The following ABCC1 variants were observed in gnomAD, a reference collection of about 807,000 sequenced individuals.
ABCC1 encodes ATP binding cassette subfamily C member 1 (ABCC1 blood group).
ABCC1 carries 83 observed loss-of-function variants against 172.9 expected under a neutral mutation model. The observed-to-expected ratio is 0.48, with a 90% CI of 0.40 to 0.58. The LOEUF (loss-of-function observed/expected upper bound fraction) is 0.58, where lower values mean the gene tolerates loss of function less well. Ranked by LOEUF, ABCC1 falls within the 20% of genes least tolerant of loss-of-function variation. The probability of loss-of-function intolerance (pLI) is 0.00; values close to 1 mark genes in which losing one functional copy is unlikely to be tolerated. For missense variants in ABCC1, 1,817 were observed against 2,002.7 expected (o/e 0.91, Z 1.77); for synonymous variants, 937 against 825.2 (o/e 1.14, Z -2.32).
intron 7 of ABCC1, among the ~76,000 whole-genome samples, chr16:16,043,229 T>G (rs1377376448): frequency 1.8e-5 from 2 of 112,168 alleles, no homozygotes; most frequent in South Asian, 2.4e-4. Flanking sequence ...ACTGTTTTTT[T>G]TTTTTTTTTT....
intron 1 of ABCC1, among the ~76,000 whole-genome samples, chr16:15,975,269 T>C (rs1318863279): frequency 6.6e-6 from 1 of 152,248 alleles, no homozygotes; most frequent in East Asian, 1.9e-4. Context: ...CAGTTCGTTT[T>C]GTGACAGCAG....
chr16:16,093,979 C>CTTTTT (rs578261751), intron 19 of ABCC1, among the ~76,000 whole-genome samples: 3 of 106,614 alleles, frequency 2.8e-5, no homozygotes, highest in African/African-American at 4.0e-5. Context: ...TCCCTCTCTC[C>CTTTTT]TTTTTTTTTT....
chr16:16,137,345 C>A (rs2045953522), intron 29 of ABCC1, among the ~76,000 whole-genome samples: 1 of 152,064 alleles, frequency 6.6e-6, no homozygotes, highest in African/African-American at 2.4e-5. Context: ...ATCCCTCATT[C>A]TCCAGCAGAC....
chr16:16,029,881 T>C (rs1030139328), intron 5 of ABCC1, among the ~76,000 whole-genome samples: 2 of 152,196 alleles, frequency 1.3e-5, no homozygotes, highest in Admixed American at 1.3e-4. Flanking sequence ...ACTGTAATAC[T>C]AACTTTAATA....
Position 16,063,872 on chromosome 16 carries a change from G to A in ABCC1, c.1678-4284G>A, listed in dbSNP as rs544014304. Among the ~76,000 whole-genome samples the A allele has an allele frequency of 1.6e-4, 24 of 152,192 alleles. No homozygotes were observed. In the South Asian group the frequency reaches 4.6e-3, roughly 29 times the overall value. On this transcript the variant is annotated intron_variant, in intron 12 of 30. Coordinates refer to ENST00000399410, the MANE Select transcript of ABCC1 (RefSeq NM_004996.4). ...GGATTGAGTCTCATTGGTTGTGGTC[G>A]ATCACATGCTTCTTCCTGAGCCAGT...
Position 16,090,527 on chromosome 16 carries a change from C to T in ABCC1, c.2583C>T (p.Ala861=), listed in dbSNP as rs201516415. Residue 861 remains alanine, a synonymous_variant, in exon 19 of 31, where the codon GCC becomes GCT. Transcript: ENST00000399410. ...SYQELLARDG[A]FAEFLRTYAS... ...AGGAGCTGCTGGCTCGAGACGGCGC[C>T]TTCGCTGAGTTCCTGCGTACCTATG... 174 of 1,613,794 alleles carry T rather than the reference C, an allele frequency of 1.1e-4. No homozygotes were observed. In the East Asian group the frequency reaches 3.3e-3, roughly 30 times the overall value.
intron 12 of ABCC1, among the ~76,000 whole-genome samples, chr16:16,060,347 G>A (rs2049859161): frequency 6.6e-6 from 1 of 152,174 alleles, no homozygotes; most frequent in Non-Finnish European, 1.5e-5. Flanking sequence ...CAGCCCTCCA[G>A]GTGACTGGTG....
rs768837093 is a variant in ABCC1, at chr16:16,014,633, G to C, written c.489+5G>C. 1 of 1,613,344 alleles carries C rather than the reference G, an allele frequency of 6.2e-7. No homozygotes were observed. Among genetic ancestry groups the C allele is most frequent in the Non-Finnish European group, 8.5e-7 (1 of 1,179,828 alleles). ...ATTATGACAGCCTTAAAAGAGGTAAGTGGCAGTCTCCTTCCTCATCTTCCT... is the reference window on the plus strand; with the variant it reads ...ATTATGACAGCCTTAAAAGAGGTAACTGGCAGTCTCCTTCCTCATCTTCCT... On this transcript the variant is annotated splice_donor_5th_base_variant and intron_variant, in intron 4 of 30. Transcript: ENST00000399410.
At chr16:15,955,314 C>T (rs111521445) in intron 1 of ABCC1, among the ~76,000 whole-genome samples, 3 of 152,104 alleles carry the variant, frequency 2.0e-5, no homozygotes, top group Admixed American at 6.6e-5. Flanking sequence ...GCCGAGAGTT[C>T]GCCACTGCGC....
chr16:16,050,574 G>GA (rs746867639), intron 10 of ABCC1, among the ~76,000 whole-genome samples: 88 of 151,386 alleles, frequency 5.8e-4, no homozygotes, highest in Non-Finnish European at 1.1e-3. Flanking sequence ...ATAAAACTCA[G>GA]AAAAAACACC....
At chr16:16,045,800 C>T (rs372864451) in intron 8 of ABCC1, 36 bp from the exon 9 acceptor site, 4 of 1,606,274 alleles carry the variant, frequency 2.5e-6, no homozygotes, top group African/African-American at 2.7e-5. Context: ...CCACGTGTCA[C>T]AAGTCATTCC....
chr16:16,130,291 A>G (rs951711210), intron 26 of ABCC1, among the ~76,000 whole-genome samples: 7 of 152,306 alleles, frequency 4.6e-5, no homozygotes, highest in Admixed American at 3.9e-4. Flanking sequence ...GTCTGTCCAG[A>G]GAAGACCACT....
intron 7 of ABCC1, among the ~76,000 whole-genome samples, chr16:16,037,000 A>G (rs1394896027): frequency 6.6e-6 from 1 of 152,000 alleles, no homozygotes; most frequent in East Asian, 1.9e-4. Context: ...GCTACTCAGG[A>G]GGCTGACAGG....
intron 1 of ABCC1, among the ~76,000 whole-genome samples, chr16:16,002,483 T>A (rs1221165257): frequency 1.3e-5 from 2 of 152,150 alleles, no homozygotes; most frequent in African/African-American, 4.8e-5. Flanking sequence ...ATAAAGATAG[T>A]TTCCAAAGGC....
chr16:15,980,777 C>T (rs1165147369), intron 1 of ABCC1, among the ~76,000 whole-genome samples: 2 of 152,176 alleles, frequency 1.3e-5, no homozygotes, highest in Non-Finnish European at 2.9e-5. Context: ...CACAATCATG[C>T]CTTTCCAAGT....
At chr16:16,091,975 C>T (rs929192438) in intron 19 of ABCC1, among the ~76,000 whole-genome samples, 7 of 152,194 alleles carry the variant, frequency 4.6e-5, no homozygotes, top group Non-Finnish European at 7.3e-5. Context: ...CAGTGGCTCA[C>T]GCCTGTAATC....
At chr16:16,010,077 G>A (rs1372106449) in intron 3 of ABCC1, among the ~76,000 whole-genome samples, 176 bp downstream of exon 3, 3 of 100,726 alleles carry the variant, frequency 3.0e-5, no homozygotes, top group Admixed American at 1.4e-4. Context: ...ATGAGATCTC[G>A]CTTTCATCCA....
intron 10 of ABCC1, among the ~76,000 whole-genome samples, chr16:16,051,146 C>G (rs1319019255): frequency 6.8e-6 from 1 of 146,780 alleles, no homozygotes; most frequent in Non-Finnish European, 1.5e-5. Context: ...TGGGGGCTGT[C>G]TTTTTTTTTT....
chr16:16,119,318 G>C (rs2045048257), intron 23 of ABCC1, among the ~76,000 whole-genome samples: 1 of 152,146 alleles, frequency 6.6e-6, no homozygotes, highest in South Asian at 2.1e-4. Flanking sequence ...GCGTGAACCT[G>C]TAGTCCCACC....
Sources: allele counts gnomAD v4.1 joint callset (sites outside exome capture counted in the v4.1 genomes callset), GRCh38; gene constraint gnomAD v4.1.1; transcripts MANE v1.5; gene names NCBI Gene and HGNC (gene_info 2026-07-23, HGNC 2026-07-21).